TBC1D4: variants seen among roughly 807,000 people sequenced by gnomAD.
TBC1D4 encodes TBC (Tre-2, BUB2, CDC16) domain-containing protein.
A neutral mutation model predicts 142.5 loss-of-function variants in TBC1D4; 121 were observed. The ratio of observed to expected loss-of-function variants is 0.85; its 90% CI spans 0.73 to 0.99. The LOEUF (loss-of-function observed/expected upper bound fraction) is 0.99. Ranked by LOEUF, TBC1D4 falls within the 50% of genes least tolerant of loss-of-function variation. TBC1D4 has a pLI of 0.00. For synonymous variants in TBC1D4, 630 were observed against 628.2 expected, an observed-to-expected ratio of 1.00 and a Z score of -0.04; for missense variants, 1,475 against 1,606.6, an observed-to-expected ratio of 0.92 and a Z score of 1.40.
intron 1 of TBC1D4, among the ~76,000 whole-genome samples, chr13:75,385,000 A>AATTGCCCATATTATCT (rs1884085665): frequency 6.6e-6 from 1 of 152,246 alleles, no homozygotes; most frequent in Non-Finnish European, 1.5e-5. Context: ...ATTGCCCATA[A>AATTGCCCATATTATCT]GGCACATCAG....
At chr13:75,470,256 C>T (rs544284808) in intron 1 of TBC1D4, among the ~76,000 whole-genome samples, 23 of 152,124 alleles carry the variant, frequency 1.5e-4, no homozygotes, top group East Asian at 3.9e-4. Flanking sequence ...CACTGTAGCA[C>T]GAAAACATAA....
intron 1 of TBC1D4, among the ~76,000 whole-genome samples, chr13:75,438,617 G>A (rs937018422): frequency 6.6e-6 from 1 of 152,170 alleles, no homozygotes; most frequent in African/African-American, 2.4e-5. Flanking sequence ...GAGAATTCAA[G>A]TTATAAACAG....
At chr13:75,351,623 T>C (rs1376014143) in intron 4 of TBC1D4, among the ~76,000 whole-genome samples, 2 of 139,044 alleles carry the variant, frequency 1.4e-5, no homozygotes, top group Non-Finnish European at 3.1e-5. Context: ...CCTGTGTCCA[T>C]GTGTTCTCAT....
chr13:75,452,678 A>G (rs1887578780), intron 1 of TBC1D4, among the ~76,000 whole-genome samples: 1 of 152,228 alleles, frequency 6.6e-6, no homozygotes, highest in Non-Finnish European at 1.5e-5. Flanking sequence ...GTGATTTTCA[A>G]CAAAGAAACT....
rs1593898213 is a variant in TBC1D4, at chr13:75,449,469, T to C, written c.498+31801A>G. On this transcript the variant is annotated intron_variant, in intron 1 of 20. Coordinates refer to ENST00000377636, the MANE Select transcript of TBC1D4 (RefSeq NM_014832.5). ...GTGGTCTCTCTCTCAAAATATCTTA[T>C]TGTATGCAATATTTTTGGACCACGC... is the stretch of plus-strand genomic sequence containing the variant. Among the ~76,000 whole-genome samples, 2 of 152,084 alleles carry C rather than the reference T, an allele frequency of 1.3e-5. 1 individual carries two copies. Among genetic ancestry groups the C allele is most frequent in the Non-Finnish European group, 2.9e-5 (2 of 68,026 alleles).
intron 2 of TBC1D4, among the ~76,000 whole-genome samples, chr13:75,361,805 A>C: frequency 1.3e-5 from 2 of 148,520 alleles, no homozygotes; most frequent in Non-Finnish European, 3.0e-5. Flanking sequence ...TTCCTTCCCT[A>C]CTCCCTTAAT....
rs79746438 is a variant in TBC1D4 at position 75,367,395 on chromosome 13, A to C, written c.499-4788T>G. On this transcript the variant is annotated intron_variant, in intron 1 of 20. Coordinates refer to ENST00000377636, the MANE Select transcript of TBC1D4 (RefSeq NM_014832.5). ...TATGACGGATATCAGCGTGAGAATA[A>C]GCTTCCTAAAACATATTTAAACAAA... Among the ~76,000 whole-genome samples, 908 of 152,302 alleles carry C rather than the reference A, an allele frequency of 6.0e-3. 15 individuals are homozygous for C. Among genetic ancestry groups the C allele is most frequent in the African/African-American group, 0.02 (820 of 41,582 alleles).
intron 1 of TBC1D4, among the ~76,000 whole-genome samples, chr13:75,447,594 TA>T (rs1015401887): frequency 1.1e-4 from 17 of 151,568 alleles, no homozygotes; most frequent in African/African-American, 3.9e-4. Context: ...GTATACTTTA[TA>T]TACACACACA....
At chr13:75,291,212 T>C (rs956758662) in intron 19 of TBC1D4, among the ~76,000 whole-genome samples, 1 of 152,082 alleles carries the variant, frequency 6.6e-6, no homozygotes, top group Non-Finnish European at 1.5e-5. Flanking sequence ...TGGCTTCTGG[T>C]TCACTTTGGC....
chr13:75,401,265 C>A (rs560687728), intron 1 of TBC1D4, among the ~76,000 whole-genome samples: 1 of 152,262 alleles, frequency 6.6e-6, no homozygotes, highest in Admixed American at 6.5e-5. Context: ...TTTTAATTTC[C>A]CCCTTTCTTC....
At chr13:75,327,064 G>A (rs1879329173) in intron 9 of TBC1D4, among the ~76,000 whole-genome samples, 2 of 152,092 alleles carry the variant, frequency 1.3e-5, no homozygotes, top group Non-Finnish European at 2.9e-5. Flanking sequence ...GAGCTATGCT[G>A]GAATGCATCT....
intron 7 of TBC1D4, 29 bp from the exon 8 acceptor site, chr13:75,337,069 GT>G: frequency 6.3e-7 from 1 of 1,599,938 alleles, no homozygotes; most frequent in South Asian, 1.1e-5. Context: ...ATACATTTTA[GT>G]TTGGAAATAC....
intron 8 of TBC1D4, among the ~76,000 whole-genome samples, chr13:75,332,820 A>G (rs1879865440): frequency 6.6e-6 from 1 of 152,240 alleles, no homozygotes; most frequent in Non-Finnish European, 1.5e-5. Flanking sequence ...AAGGATCTCT[A>G]TCATTAAGAG....
At chr13:75,427,539 AAT>A (rs1402625751) in intron 1 of TBC1D4, among the ~76,000 whole-genome samples, 1 of 152,170 alleles carries the variant, frequency 6.6e-6, no homozygotes, top group Non-Finnish European at 1.5e-5. Context: ...TAAATATTAA[AAT>A]AGAAAAAGAA....
intron 7 of TBC1D4, 120 bp downstream of exon 7, chr13:75,341,005 G>A (rs916096951): frequency 8.4e-6 from 7 of 829,210 alleles, no homozygotes; most frequent in Non-Finnish European, 1.2e-5. Flanking sequence ...GGGAGTGAGG[G>A]GGTAGTTCAG....
In TBC1D4 at chr13:75,302,310, A is replaced by G. The variant is rs766775143; in HGVS notation, c.2844T>C (p.Pro948=). 1.9e-6 allele frequency: 3 copies of G among 1,614,232 alleles called. No homozygotes were observed. The highest frequency in any genetic ancestry group is 2.5e-6 in the Non-Finnish European group (3 of 1,180,042). The stretch of plus-strand genomic sequence containing the variant: ...TCAAAAGTTCCTTATAGGATATGTC[A>G]GGAGGCTGTTGTTTATTAGGCAATC... ...RHRLPNKQQP[P]DISYKELLKQ... Residue 948 remains proline, a synonymous_variant, in exon 16 of 21, where the codon CCT becomes CCC. Coordinates refer to ENST00000377636, the MANE Select transcript of TBC1D4 (RefSeq NM_014832.5).
rs548692375 is a variant in TBC1D4, at chr13:75,481,723, G to T, written c.45C>A (p.Pro15=). The T allele has an allele frequency of 5.6e-6, 9 of 1,596,840 alleles. No homozygotes were observed. In the African/African-American group the frequency reaches 8.1e-5, roughly 14 times the overall value. The change falls in exon 1 of 21, where the codon CCC becomes CCA. Residue 15 remains proline, a synonymous_variant. Coordinates refer to ENST00000377636, the MANE Select transcript of TBC1D4 (RefSeq NM_014832.5). ...SCIQDEPFPH[P]LEPEPGVSAQ... is the part of the protein sequence containing the mutation. ...CTGAGACGCCCGGCTCGGGCTCCAG[G>T]GGGTGCGGGAACGGCTCATCCTGAA... is the stretch of plus-strand genomic sequence containing the variant.
intron 1 of TBC1D4, among the ~76,000 whole-genome samples, chr13:75,386,646 C>G (rs905160183): frequency 6.6e-6 from 1 of 151,930 alleles, no homozygotes; most frequent in African/African-American, 2.4e-5. Context: ...CCTTGGCCTC[C>G]CAAAGTGCTG....
At chr13:75,354,168 G>A (rs941124089) in intron 4 of TBC1D4, among the ~76,000 whole-genome samples, 15 of 152,182 alleles carry the variant, frequency 9.9e-5, no homozygotes, top group Admixed American at 3.3e-4. Context: ...ATAGTATTCC[G>A]GTCTAAGTGC....
Sources: allele counts gnomAD v4.1 joint callset (sites outside exome capture counted in the v4.1 genomes callset), GRCh38; gene constraint gnomAD v4.1.1; transcripts MANE v1.5; gene names NCBI Gene and HGNC (gene_info 2026-07-23, HGNC 2026-07-21).